CCDC12: variants seen among roughly 807,000 people sequenced by gnomAD.
CCDC12 encodes coiled-coil domain-containing protein 12.
Under a neutral mutation model 25.7 loss-of-function variants are expected in CCDC12, and 28 were observed. That is an observed-to-expected ratio of 1.09 (90% CI 0.81 to 1.50). The LOEUF is 1.50. CCDC12 is among the 40% of genes most tolerant of loss of function. The probability of loss-of-function intolerance (pLI) is 0.00; values close to 1 mark genes in which losing one functional copy is unlikely to be tolerated. For synonymous variants in CCDC12, 75 were observed against 87.7 expected, an observed-to-expected ratio of 0.86 and a Z score of 0.81; for missense variants, 198 against 210.0, an observed-to-expected ratio of 0.94 and a Z score of 0.35.
chr3:46,967,943 T>C (rs543981984), intron 1 of CCDC12, among the ~76,000 whole-genome samples: 4 of 152,202 alleles, frequency 2.6e-5, no homozygotes, highest in African/African-American at 9.6e-5. Context: ...AAGACCACAA[T>C]AGGTCTGAGG....
intron 2 of CCDC12, among the ~76,000 whole-genome samples, chr3:46,934,818 C>T (rs1046645805): frequency 6.6e-6 from 1 of 152,246 alleles, no homozygotes; most frequent in Admixed American, 6.5e-5. Flanking sequence ...GGGACATCAC[C>T]AGATGTAGAC....
chr3:46,958,015 T>C (rs1308598570), intron 1 of CCDC12, among the ~76,000 whole-genome samples: 4 of 118,496 alleles, frequency 3.4e-5, no homozygotes, highest in Non-Finnish European at 7.7e-5. Context: ...GTAAAGCTAA[T>C]AGAACCAGTG....
chr3:46,938,059 C>T (rs921839071), intron 2 of CCDC12, among the ~76,000 whole-genome samples: 3 of 152,190 alleles, frequency 2.0e-5, no homozygotes, highest in African/African-American at 4.8e-5. Flanking sequence ...AAGCTCTCAA[C>T]GACTGGGAGG....
intron 1 of CCDC12, among the ~76,000 whole-genome samples, chr3:46,973,758 G>A (rs1297689222): frequency 2.6e-5 from 4 of 151,530 alleles, no homozygotes; most frequent in East Asian, 2.0e-4. Context: ...GACTACAGGC[G>A]CCCACCACCG....
At chr3:46,934,649 C>T (rs531426771) in intron 2 of CCDC12, among the ~76,000 whole-genome samples, 1 of 152,338 alleles carries the variant, frequency 6.6e-6, no homozygotes, top group African/African-American at 2.4e-5. Flanking sequence ...GGTGCCAGCA[C>T]ATGGTGAGTC....
chr3:46,976,649 T>C lies in CCDC12; in HGVS notation c.84A>G (p.Lys28=). The change falls in exon 1 of 7, where the codon AAA becomes AAG. Residue 28 remains lysine, a synonymous_variant. Coordinates refer to ENST00000683445, the MANE Select transcript of CCDC12 (RefSeq NM_001277074.2). ...CCACACTTCTCACCTTGCGCCCGGT[T>C]TTCTCCCGTAGGGCCTTCAGCCGTT... ...RKERLKALRE[K]TGRKDKEDGE... 6.2e-7 allele frequency: 1 copy of C among 1,611,352 alleles called. No individual in the cohort carries two copies. Among genetic ancestry groups the C allele is most frequent in the Non-Finnish European group, 8.5e-7 (1 of 1,178,762 alleles).
At chr3:46,941,556 C>T (rs1396464233) in intron 1 of CCDC12, among the ~76,000 whole-genome samples, 3 of 100,560 alleles carry the variant, frequency 3.0e-5, no homozygotes, top group Non-Finnish European at 6.3e-5. Flanking sequence ...CAGAGCGAGA[C>T]TCCATCTCAA....
chr3:46,964,276 G>A (rs1256217343), intron 1 of CCDC12, among the ~76,000 whole-genome samples: 1 of 151,574 alleles, frequency 6.6e-6, no homozygotes, highest in African/African-American at 2.4e-5. Flanking sequence ...CCCCGTCCGG[G>A]AGGGAGGTGG....
chr3:46,943,764 G>C (rs531918450), intron 1 of CCDC12, among the ~76,000 whole-genome samples: 7 of 152,228 alleles, frequency 4.6e-5, no homozygotes, highest in Non-Finnish European at 1.0e-4. Flanking sequence ...CAATCTGGTG[G>C]GTGGGGGGCA....
At chr3:46,976,957 CAAA>C (rs34971711), upstream of CCDC12, 152 of 311,888 alleles carry the variant, frequency 4.9e-4, no homozygotes, top group South Asian at 7.5e-4. Context: ...GGGGAGCCAG[CAAA>C]AAAAAAAAAG....
chr3:46,943,061 C>T (rs1185717909), intron 1 of CCDC12, among the ~76,000 whole-genome samples: 1 of 152,040 alleles, frequency 6.6e-6, no homozygotes, highest in Non-Finnish European at 1.5e-5. Context: ...ATGGAGAAAC[C>T]GAGGAGAGAC....
At chr3:46,926,714 T>C (rs900756519) in intron 2 of CCDC12, among the ~76,000 whole-genome samples, 1 of 152,204 alleles carries the variant, frequency 6.6e-6, no homozygotes, top group Non-Finnish European at 1.5e-5. Context: ...CCCCAGGGGA[T>C]GCAGGAGTGG....
In CCDC12 at chr3:46,922,155, G is replaced by C; in HGVS notation, c.419-16C>G. On this transcript the variant is annotated splice_polypyrimidine_tract_variant and intron_variant, in intron 6 of 6. Coordinates refer to ENST00000683445, the MANE Select transcript of CCDC12 (RefSeq NM_001277074.2). ...AGCCTTTCACCTGGGATGGATGGCA[G>C]ACAGAAGGGGTGGGGAGGGGCCCGG... 6.2e-7 allele frequency: 1 copy of C among 1,614,270 alleles called. No individual in the cohort carries two copies.
rs11356624 is a variant in CCDC12 at position 46,975,841 on chromosome 3, A to AT, written c.96+795dup. On this transcript the variant is annotated intron_variant, in intron 1 of 6. Coordinates refer to ENST00000683445, the MANE Select transcript of CCDC12 (RefSeq NM_001277074.2). ...CGCCCGGCTAAATCTTTTATTTTCG[A>AT]TTTTTTTTTTTTTTTTTTTTTTGAG... 5.4e-3 allele frequency among the ~76,000 whole-genome samples: 378 copies of AT among 70,352 alleles called. 15 individuals carry two copies. The highest frequency in any genetic ancestry group is 0.021 in the African/African-American group (350 of 16,572). 46.2% of individuals were successfully genotyped at this position (70,352 alleles called of 152,430 possible). A position where few individuals can be genotyped will look rare whatever the true frequency, so the allele number is the denominator to read the frequency against.
intron 2 of CCDC12, among the ~76,000 whole-genome samples, chr3:46,929,899 C>T (rs1002850210): frequency 4.6e-5 from 7 of 151,780 alleles, no homozygotes; most frequent in South Asian, 2.1e-4. Context: ...GATGTGGTGG[C>T]GGGTGCCTGT....
At chr3:46,923,859 G>C (rs2032819030) in intron 3 of CCDC12, 191 bp from the exon 4 acceptor site, 3 of 426,120 alleles carry the variant, frequency 7.0e-6, no homozygotes, top group East Asian at 7.0e-5. Context: ...GGGTTTCCCA[G>C]GATGAAGCAT....
chr3:46,946,396 T>C (rs377223499), intron 1 of CCDC12, among the ~76,000 whole-genome samples: 1 of 152,354 alleles, frequency 6.6e-6, no homozygotes, highest in East Asian at 1.9e-4. Context: ...GGGAAGGAAG[T>C]AATGCTTAAA....
At chr3:46,926,946 C>A (rs1177613238) in intron 2 of CCDC12, among the ~76,000 whole-genome samples, 2 of 151,992 alleles carry the variant, frequency 1.3e-5, no homozygotes, top group African/African-American at 4.8e-5. Flanking sequence ...CAAGCTTTCC[C>A]AGAGGCAGGG....
chr3:46,928,094 C>T (rs913994296), intron 2 of CCDC12, among the ~76,000 whole-genome samples: 2 of 152,136 alleles, frequency 1.3e-5, no homozygotes, highest in Non-Finnish European at 2.9e-5. Context: ...ACTAAAAATA[C>T]AAAAATTAGG....
Sources: gnomAD v4.1 joint callset for allele counts (sites outside exome capture counted in the v4.1 genomes callset) on GRCh38, gnomAD v4.1.1 for gene constraint, MANE v1.5 for transcripts, NCBI Gene and HGNC (gene_info 2026-07-23, HGNC 2026-07-21) for gene names.